Variants in TTN observed in about 807,000 individuals in gnomAD.
The protein encoded by TTN is connectin.
In TTN, 1,525 loss-of-function variants were observed where a neutral mutation model predicts 3,223.0. The ratio of observed to expected loss-of-function variants is 0.47; its 90% CI spans 0.45 to 0.49. TTN has a LOEUF of 0.49. TTN is among the 20% of genes least tolerant of loss of function. The pLI, the probability that TTN is intolerant of heterozygous loss-of-function variation, is 0.00. For missense variants in TTN, 40,786 were observed against 43,424.0 expected (o/e 0.94, Z 5.40); for synonymous variants, 14,094 against 15,161.0 (o/e 0.93, Z 5.17).
chr2:178,680,412 G>C (rs904953139), intron 138 of TTN, 81 bp from the exon 139 acceptor site: 1 of 1,151,232 alleles, frequency 8.7e-7, no homozygotes, highest in African/African-American at 1.6e-5. Context: ...ACTTTAAGCA[G>C]ATAGAATAAT....
rs2154138223 is a variant in TTN at position 178,537,403 on chromosome 2, G to A, written c.99804C>T (p.Tyr33268=). ...NVQRKTHAGK[Y]KVQLSNVFGT... ...CAAAAACATTGCTGAGCTGGACTTT[G>A]TATTTCCCAGCATGAGTCTTACGTT... Residue 33268 remains tyrosine, a synonymous_variant, in exon 355 of 363, where the codon TAC becomes TAT. Transcript: ENST00000589042. 2 of 1,608,532 alleles carry A rather than the reference G, an allele frequency of 1.2e-6. No individual in the cohort carries two copies. Among genetic ancestry groups the A allele is most frequent in the Non-Finnish European group, 1.7e-6 (2 of 1,176,062 alleles).
chr2:178,590,973 T>A lies in TTN; in HGVS notation c.60752A>T (p.Lys20251Met), dbSNP rs1314635889. The A allele has an allele frequency of 6.2e-7, 1 of 1,613,358 alleles. No individual in the cohort carries two copies. Among genetic ancestry groups the A allele is most frequent in the Non-Finnish European group, 8.5e-7 (1 of 1,179,564 alleles). The change falls in exon 304 of 363, where the codon AAG (lysine) becomes ATG (methionine). Residue 20251 changes from lysine to methionine, a missense_variant. By Grantham distance (95) the Lys-to-Met change is moderately conservative. Transcript: ENST00000589042. ...GTCAAGGGGAGGACCAACACCTATC[T>A]TATTCTCTGCTCTAACTCGGAAAAC... ...EYVFRVRAENKIGVGPPLDST... is the reference protein window; with the variant it reads ...EYVFRVRAENMIGVGPPLDST...
In TTN at chr2:178,601,275, T is replaced by A; in HGVS notation, c.55722A>T (p.Arg18574Ser). ...GATTTTAAAGCTTACATATCGGATC[T>A]CTGGCAGTGGTCCTCTGAATGGTTT... is the stretch of plus-strand genomic sequence containing the variant. Reference protein sequence around the residue: ...PVETIQRTTARDPIYPPDPPI... With the variant: ...PVETIQRTTASDPIYPPDPPI... The change falls in exon 287 of 363, where the codon AGA becomes AGT. Residue 18574 changes from arginine to serine, a missense_variant. Physicochemically the swap from Arg to Ser is moderately radical, Grantham distance 110. Transcript: ENST00000589042. 1 of 1,551,356 alleles carries A rather than the reference T, an allele frequency of 6.4e-7. No homozygotes were observed. Among genetic ancestry groups the A allele is most frequent in the Non-Finnish European group, 8.7e-7 (1 of 1,152,788 alleles).
At position 178,560,950 on chromosome 2, in the gene TTN, A is replaced by T. The variant is rs1703423853; in HGVS notation, c.85182T>A (p.Asp28394Glu). 2 of 1,613,662 alleles carry T rather than the reference A, an allele frequency of 1.2e-6. No individual in the cohort carries two copies. The highest frequency in any genetic ancestry group is 1.7e-6 in the Non-Finnish European group (2 of 1,179,778). Residue 28394 changes from aspartate (D) to glutamate (E), a missense_variant, in exon 326 of 363, where the codon GAT becomes GAA. Asp to Glu is a conservative substitution (Grantham distance 45). Coordinates refer to ENST00000589042, the MANE Select transcript of TTN (RefSeq NM_001267550.2). ...TTGCTCTTTCTTCAATTTCTATACCATCCTTGGCCCAGGAAATTACTGGCA... is the reference window on the plus strand; with the variant it reads ...TTGCTCTTTCTTCAATTTCTATACCTTCCTTGGCCCAGGAAATTACTGGCA... ...RPLPVISWAK[D>E]GIEIEERART...
Position 178,600,871 on chromosome 2 carries a change from G to T in TTN, c.56033C>A (p.Thr18678Asn), listed in dbSNP as rs2053232530. The stretch of plus-strand genomic sequence containing the variant: ...GTACTTACATGTCTGGTCTTTGACA[G>T]TCACAGGGCCAACAGTGGCTGAAGG... ...SKPSATVGPV[T>N]VKDQTCPPSI... Residue 18678 changes from threonine to asparagine, a missense_variant, in exon 288 of 363, where the codon ACT becomes AAT. Thr to Asn is a moderately conservative substitution (Grantham distance 65). Transcript: ENST00000589042. The T allele has an allele frequency of 6.2e-7, 1 of 1,612,798 alleles. No homozygotes were observed. Among genetic ancestry groups the T allele is most frequent in the Non-Finnish European group, 8.5e-7 (1 of 1,179,146 alleles).
Position 178,571,934 on chromosome 2 carries a change from A to T in TTN, c.74198T>A (p.Leu24733Gln). 1 of 1,613,180 alleles carries T rather than the reference A, an allele frequency of 6.2e-7. No homozygotes were observed. Among genetic ancestry groups the T allele is most frequent in the Non-Finnish European group, 8.5e-7 (1 of 1,179,538 alleles). Reference protein sequence around the residue: ...NTFTVLAGEDLKVDVPFIGRP... With the variant: ...NTFTVLAGEDQKVDVPFIGRP... ...GCCAATGAATGGAACATCAACTTTT[A>T]GGTCTTCACCTGCCAGTACAGTGAA... Residue 24733 changes from leucine (L) to glutamine (Q), a missense_variant, in exon 326 of 363, where the codon CTA becomes CAA. Transcript: ENST00000589042.
intron 101 of TTN, 34 bp downstream of exon 101, chr2:178,706,828 A>G (rs748157422): frequency 6.2e-7 from 1 of 1,609,236 alleles, no homozygotes. Flanking sequence ...GGTATAAGAT[A>G]GATGAAGATG....
In TTN at chr2:178,588,100, T is replaced by C. The variant is rs1444195248; in HGVS notation, c.63307A>G (p.Met21103Val). 4 of 1,612,770 alleles carry C rather than the reference T, an allele frequency of 2.5e-6. No individual in the cohort carries two copies. Among genetic ancestry groups the C allele is most frequent in the Middle Eastern group, 1.6e-4 (1 of 6,070 alleles). The change falls in exon 305 of 363, where the codon ATG becomes GTG. Residue 21103 changes from methionine (M) to valine (V), a missense_variant. Physicochemically the swap from Met to Val is conservative, Grantham distance 21 (BLOSUM62 1). Transcript: ENST00000589042. ...GAPIIGYVVE[M>V]RPKIADASPD... ...GACGCATCTGCTATTTTTGGTCTCA[T>C]TTCCACAACATATCCAATGATCGGT...
At chr2:178,794,879 C>T in intron 7 of TTN, 43 bp downstream of exon 7, 1 of 1,594,026 alleles carries the variant, frequency 6.3e-7, no homozygotes. Flanking sequence ...GTTGGAGAAA[C>T]TAGAATGTGA....
chr2:178,568,565 C>T lies in TTN; in HGVS notation c.77567G>A (p.Ser25856Asn). The stretch of plus-strand genomic sequence containing the variant: ...ATCATCCTTATGAGTTTCTTTAATA[C>T]TGAGTGTGGTGAGATCCAGTGAATC... ...VTDSLDLTTL[S>N]IKETHKDDGG... The change falls in exon 326 of 363, where the codon AGT (serine) becomes AAT (asparagine). Residue 25856 changes from serine to asparagine, a missense_variant. Transcript: ENST00000589042. 1.2e-6 allele frequency: 2 copies of T among 1,613,448 alleles called. No homozygotes were observed. Among genetic ancestry groups the T allele is most frequent in the South Asian group, 1.1e-5 (1 of 91,066 alleles).
At position 178,619,858 on chromosome 2, in the gene TTN, G is replaced by C; in HGVS notation, c.46459C>G (p.Gln15487Glu). Reference protein sequence around the residue: ...EIPVEIIRPPQDILEAPGADV... With the variant: ...EIPVEIIRPPEDILEAPGADV... ...GCACCAGGGGCTTCAAGAATATCTT[G>C]TGGAGGCCTGATGATCTCAACAGGA... Residue 15487 changes from glutamine to glutamate, a missense_variant, in exon 250 of 363, where the codon CAA becomes GAA. Gln to Glu is a conservative substitution (Grantham distance 29). Transcript: ENST00000589042. The C allele has an allele frequency of 6.2e-7, 1 of 1,611,600 alleles. No individual in the cohort carries two copies. Among genetic ancestry groups the C allele is most frequent in the Non-Finnish European group, 8.5e-7 (1 of 1,178,796 alleles).
chr2:178,592,917 A>G lies in TTN; in HGVS notation c.59202T>C (p.Pro19734=). The G allele has an allele frequency of 6.2e-7, 1 of 1,613,460 alleles. No homozygotes were observed. Among genetic ancestry groups the G allele is most frequent in the Non-Finnish European group, 8.5e-7 (1 of 1,179,562 alleles). ...DEEWRRANHT[P]ESCPETKYKV... The stretch of plus-strand genomic sequence containing the variant: ...TATATTTAGTTTCAGGACATGACTC[A>G]GGGGTGTGATTGGCTCTTCTCCACT... Residue 19734 remains proline (P), a synonymous_variant, in exon 300 of 363, where the codon CCT becomes CCC. Coordinates refer to ENST00000589042, the MANE Select transcript of TTN (RefSeq NM_001267550.2).
intron 115 of TTN, 22 bp from the exon 116 acceptor site, chr2:178,694,928 T>A (rs556170248): frequency 6.7e-7 from 1 of 1,498,232 alleles, no homozygotes; most frequent in Admixed American, 2.0e-5. Flanking sequence ...TTAGAGAAAT[T>A]GCAGTACTTT....
Position 178,576,638 on chromosome 2 carries a change from T to A in TTN, c.69606A>T (p.Thr23202=). 6.2e-7 allele frequency: 1 copy of A among 1,613,620 alleles called. No homozygotes were observed. Among genetic ancestry groups the A allele is most frequent in the Non-Finnish European group, 8.5e-7 (1 of 1,179,628 alleles). The change falls in exon 325 of 363, where the codon ACA becomes ACT. Residue 23202 remains threonine, a synonymous_variant. Transcript: ENST00000589042. The surrounding 1 kb of genome is among the most constrained non-coding windows in gnomAD (Gnocchi z 4.3). ...TPVSDLRCKV[T]GLQEGSTYEF... ...CGTAGGTGCTTCCTTCTTGCAGTCC[T>A]GTTACTTTGCACCTGAGATCGGAAA... is the stretch of plus-strand genomic sequence containing the variant.
In TTN at chr2:178,634,134, A is replaced by G; in HGVS notation, c.42416-51T>C. Reference sequence around the variant, plus strand: ...TCAGAAACACAATTCACCTTCAGAAAGATTCCATTCTAATCTGCCTGAGTA... The same window carrying G: ...TCAGAAACACAATTCACCTTCAGAAGGATTCCATTCTAATCTGCCTGAGTA... On this transcript the variant is annotated intron_variant, in intron 230 of 362. Transcript: ENST00000589042. The surrounding 1 kb of genome is among the most constrained non-coding windows in gnomAD (Gnocchi z 4.6). 1.2e-6 allele frequency: 2 copies of G among 1,602,064 alleles called. No homozygotes were observed. The highest frequency in any genetic ancestry group is 1.7e-5 in the Admixed American group (1 of 58,192).
chr2:178,683,810 C>CT (rs1014115651), intron 133 of TTN, among the ~76,000 whole-genome samples, 189 bp downstream of exon 133: 15 of 151,652 alleles, frequency 9.9e-5, no homozygotes, highest in African/African-American at 1.5e-4. Flanking sequence ...AGAAGCCTCA[C>CT]TTTTTTTTAA....
chr2:178,563,128 C>T lies in TTN; in HGVS notation c.83004G>A (p.Glu27668=), dbSNP rs1575643277. The T allele has an allele frequency of 1.2e-6, 2 of 1,613,714 alleles. No individual in the cohort carries two copies. Among genetic ancestry groups the T allele is most frequent in the Non-Finnish European group, 1.7e-6 (2 of 1,179,708 alleles). ...ATLPGSVVAQ[E]RIEPPEIELD... ...GTTCTATTTCTGGTGGCTCTATCCT[C>T]TCCTGAGCAACCACTGAGCCAGGTA... The change falls in exon 326 of 363, where the codon GAG becomes GAA. Residue 27668 remains glutamate (E), a synonymous_variant. Coordinates refer to ENST00000589042, the MANE Select transcript of TTN (RefSeq NM_001267550.2). This position sits in a 1 kb window ranked among gnomAD's most constrained non-coding sequence, Gnocchi z 4.5.
chr2:178,663,774 A>G (rs1432268273), intron 170 of TTN, 45 bp downstream of exon 170: 4 of 1,612,188 alleles, frequency 2.5e-6, no homozygotes, highest in South Asian at 1.1e-5. Context: ...AATATCTTCA[A>G]GAGCAAAAGA....
chr2:178,652,955 C>T, intron 199 of TTN, 24 bp from the exon 200 acceptor site: 2 of 1,598,766 alleles, frequency 1.3e-6, no homozygotes, highest in South Asian at 1.1e-5. Context: ...AGTGAAATTA[C>T]ATTTAGAAGT....
Sources: gnomAD v4.1 joint callset for allele counts (sites outside exome capture counted in the v4.1 genomes callset) on GRCh38, gnomAD v4.1.1 for gene constraint, Gnocchi (gnomAD v3.1) non-coding constraint, MANE v1.5 for transcripts, NCBI Gene and HGNC (gene_info 2026-07-23, HGNC 2026-07-21) for gene names.